The following PRCP variants were observed in gnomAD, a reference collection of about 807,000 sequenced individuals.
The protein encoded by PRCP is prolylcarboxypeptidase, also known as lysosomal Pro-X carboxypeptidase.
PRCP carries 46 observed loss-of-function variants against 54.2 expected under a neutral mutation model. The observed-to-expected ratio is 0.85, with a 90% CI of 0.67 to 1.09. PRCP has a LOEUF of 1.09. Among genes scored for constraint, PRCP ranks in the 50% least tolerant of loss-of-function variants. PRCP has a pLI of 0.00. For missense variants in PRCP, 613 were observed against 596.8 expected, an observed-to-expected ratio of 1.03 and a Z score of -0.28; for synonymous variants, 240 against 212.2, an observed-to-expected ratio of 1.13 and a Z score of -1.14.
At chr11:82,899,509 A>C (rs542357040) in intron 1 of PRCP, among the ~76,000 whole-genome samples, 2 of 152,350 alleles carry the variant, frequency 1.3e-5, no homozygotes, top group Admixed American at 1.3e-4. Context: ...TGTAAGGATT[A>C]CTTGTCATTT....
At chr11:82,901,412 G>A, upstream of PRCP, 1 of 163,114 alleles carries the variant, frequency 6.1e-6, no homozygotes, top group Non-Finnish European at 1.4e-5. Flanking sequence ...GGCTTCCAAA[G>A]CTCCCTCAAC....
In PRCP at chr11:82,849,179, C is replaced by T. The variant is rs765570331; in HGVS notation, c.791G>A (p.Cys264Tyr). 3.7e-6 allele frequency: 6 copies of T among 1,614,074 alleles called. No individual in the cohort carries two copies. In the East Asian group the frequency reaches 1.3e-4, roughly 36 times the overall value. The change falls in exon 6 of 9, where the codon TGC (cysteine) becomes TAC (tyrosine). Residue 264 changes from cysteine (C) to tyrosine (Y), a missense_variant. Coordinates refer to ENST00000313010, the MANE Select transcript of PRCP (RefSeq NM_005040.4). ...LQWLTGALHL[C>Y]SPLTSQDIQH... ...GATGTCCTGAGAAGTTAATGGGCTGCATAAGTGAAGGGCTCCAGTAAGCCA... is the reference window on the plus strand; with the variant it reads ...GATGTCCTGAGAAGTTAATGGGCTGTATAAGTGAAGGGCTCCAGTAAGCCA...
intron 1 of PRCP, 122 bp from the exon 2 acceptor site, chr11:82,860,239 A>G: frequency 1.7e-6 from 1 of 581,794 alleles, no homozygotes; most frequent in Middle Eastern, 5.1e-4. Context: ...AAGAAATTTT[A>G]AACTTCACTG....
chr11:82,876,903 A>G lies in PRCP; in HGVS notation c.169-16786T>C, dbSNP rs372025687. Among the ~76,000 whole-genome samples, 11 of 152,338 alleles carry G rather than the reference A, an allele frequency of 7.2e-5. No individual in the cohort carries two copies. The East Asian group carries it at 1.2e-3, about 16-fold the overall frequency. On this transcript the variant is annotated intron_variant, in intron 1 of 8. Transcript: ENST00000313010. ...CTGGATAACAGGCAGAGGTTGGAAC[A>G]GTTTGGAGGGCTGAGAATAAGATAG...
intron 2 of PRCP, among the ~76,000 whole-genome samples, chr11:82,856,449 T>C (rs1789486853): frequency 1.3e-5 from 2 of 152,194 alleles, no homozygotes; most frequent in Admixed American, 1.3e-4. Flanking sequence ...TTCTCACTTA[T>C]AAGCAGGAGC....
intron 1 of PRCP, among the ~76,000 whole-genome samples, chr11:82,870,381 A>G (rs1423867185): frequency 6.6e-6 from 1 of 152,204 alleles, no homozygotes; most frequent in Non-Finnish European, 1.5e-5. Context: ...TAAGTGAGGG[A>G]TATGTGATGC....
rs1201465013 is a variant in PRCP at position 82,849,190 on chromosome 11, G to A, written c.780C>T (p.Ala260=). The change falls in exon 6 of 9, where the codon GCC becomes GCT. Residue 260 remains alanine (A), a synonymous_variant. Coordinates refer to ENST00000313010, the MANE Select transcript of PRCP (RefSeq NM_005040.4). ...AAGTTAATGGGCTGCATAAGTGAAG[G>A]GCTCCAGTAAGCCACTGCAAACCAC... is the stretch of plus-strand genomic sequence containing the variant. ...TGSGLQWLTG[A]LHLCSPLTSQ... is the part of the protein sequence containing the mutation. The A allele has an allele frequency of 1.9e-6, 3 of 1,613,868 alleles. No individual in the cohort carries two copies. Among genetic ancestry groups the A allele is most frequent in the Non-Finnish European group, 2.5e-6 (3 of 1,179,934 alleles).
Position 82,872,686 on chromosome 11 carries a change from A to G in PRCP, c.169-12569T>C, listed in dbSNP as rs576566846. Among the ~76,000 whole-genome samples the G allele has an allele frequency of 7.2e-5, 11 of 152,288 alleles. No individual in the cohort carries two copies. The South Asian group carries it at 2.3e-3, about 32-fold the overall frequency. ...CTCTCCCCAGGAGTCCCCAAGAAGT[A>G]ACCAATCCTGCTGACACCCTGACTT... is the stretch of plus-strand genomic sequence containing the variant. On this transcript the variant is annotated intron_variant, in intron 1 of 8. Transcript: ENST00000313010.
At chr11:82,854,579 C>T (rs1859035683) in intron 2 of PRCP, among the ~76,000 whole-genome samples, 1 of 152,094 alleles carries the variant, frequency 6.6e-6, no homozygotes, top group Non-Finnish European at 1.5e-5. Context: ...GCCATACTCC[C>T]CAAAGCAATT....
intron 1 of PRCP, among the ~76,000 whole-genome samples, chr11:82,897,871 G>C (rs1939134): frequency 0.25 from 37,419 of 152,118 alleles, 5,052 homozygotes; most frequent in Admixed American, 0.31. Context: ...TAGAAGGACA[G>C]CTGGGTCCAG....
chr11:82,835,726 G>C, intron 8 of PRCP: 1 of 333,620 alleles, frequency 3.0e-6, no homozygotes, highest in Admixed American at 3.8e-5. Flanking sequence ...TCTTTAATCA[G>C]AAGAAAAAGG....
At chr11:82,845,783 G>C (rs1395068849) in intron 6 of PRCP, 1 of 152,174 alleles carries the variant, frequency 6.6e-6, no homozygotes, top group Non-Finnish European at 1.5e-5. Context: ...TTTAAGCTGG[G>C]AAGAAACCTA....
At position 82,838,456 on chromosome 11, in the gene PRCP, G is replaced by T; in HGVS notation, c.1205C>A (p.Pro402Gln). Residue 402 changes from proline (P) to glutamine (Q), a missense_variant, in exon 8 of 9, where the codon CCA becomes CAA. Coordinates refer to ENST00000313010, the MANE Select transcript of PRCP (RefSeq NM_005040.4). ...CATAGTAGTGATCCAGGAGGGCCTT[G>T]GTCTCACACCCCACTGTTGAAAACA... ...DDCFQQWGVR[P>Q]RPSWITTMYG... 1.2e-6 allele frequency: 2 copies of T among 1,614,002 alleles called. No homozygotes were observed. Among genetic ancestry groups the T allele is most frequent in the Non-Finnish European group, 1.7e-6 (2 of 1,179,930 alleles).
chr11:82,835,804 T>C, intron 8 of PRCP: 1 of 492,970 alleles, frequency 2.0e-6, no homozygotes, highest in Non-Finnish European at 4.0e-6. Context: ...TTGAAAGTGA[T>C]GTTCAAGAAC....
At chr11:82,896,831 T>C (rs1860130159) in intron 1 of PRCP, among the ~76,000 whole-genome samples, 1 of 151,994 alleles carries the variant, frequency 6.6e-6, no homozygotes, top group South Asian at 2.1e-4. Context: ...CCTCCACAAT[T>C]GCATGAGCCA....
At chr11:82,832,463 A>C (rs984802126) in intron 8 of PRCP, among the ~76,000 whole-genome samples, 13 of 152,158 alleles carry the variant, frequency 8.5e-5, no homozygotes, top group Non-Finnish European at 1.0e-4. Context: ...AGTGATGATG[A>C]GCTTTTTTTC....
intron 1 of PRCP, among the ~76,000 whole-genome samples, chr11:82,870,400 C>A (rs1859451098): frequency 5.3e-5 from 8 of 152,076 alleles, no homozygotes; most frequent in Admixed American, 5.2e-4. Flanking sequence ...GCTGCGAGAT[C>A]CTGGGAAGGA....
rs1422703512 is a variant in PRCP, at chr11:82,850,083, G to GA, written c.594-13dup. 7.5e-7 allele frequency: 1 copy of GA among 1,333,584 alleles called. No homozygotes were observed. Among genetic ancestry groups the GA allele is most frequent in the East Asian group, 2.8e-5 (1 of 35,996 alleles). 82.6% of individuals were successfully genotyped at this position (1,333,584 alleles called of 1,614,324 possible). ...AAGCTGCAAGAGCTCTAAATGGCAAGAAAATCAAAGAAAGAAAAAAGAAAA... is the reference window on the plus strand; with the variant it reads ...AAGCTGCAAGAGCTCTAAATGGCAAGAAAAATCAAAGAAAGAAAAAAGAAAA... On this transcript the variant is annotated splice_polypyrimidine_tract_variant and intron_variant, in intron 4 of 8. Coordinates refer to ENST00000313010, the MANE Select transcript of PRCP (RefSeq NM_005040.4).
chr11:82,847,275 A>T (rs1482676181), intron 6 of PRCP, among the ~76,000 whole-genome samples: 3 of 152,208 alleles, frequency 2.0e-5, no homozygotes, highest in Non-Finnish European at 2.9e-5. Context: ...TCACCCTGTG[A>T]GCAATGGTCC....
Sources: gnomAD v4.1 joint callset for allele counts (sites outside exome capture counted in the v4.1 genomes callset) on GRCh38, gnomAD v4.1.1 for gene constraint, MANE v1.5 for transcripts, NCBI Gene and HGNC (gene_info 2026-07-23, HGNC 2026-07-21) for gene names.